ZNF292: variants seen among roughly 807,000 people sequenced by gnomAD.
ZNF292 encodes the protein zinc finger protein 292.
In ZNF292, 26 loss-of-function variants were observed where a neutral mutation model predicts 217.9. The observed-to-expected ratio is 0.12, with a 90% CI of 0.09 to 0.17. The LOEUF (loss-of-function observed/expected upper bound fraction) is 0.17, where lower values mean the gene tolerates loss of function less well. Ranked by LOEUF, ZNF292 falls within the 10% of genes least tolerant of loss-of-function variation. The pLI, the probability that ZNF292 is intolerant of heterozygous loss-of-function variation, is 1.00. For synonymous variants in ZNF292, 1,257 were observed against 1,124.1 expected, an observed-to-expected ratio of 1.12 and a Z score of -2.37; for missense variants, 2,904 against 3,175.2, an observed-to-expected ratio of 0.91 and a Z score of 2.05.
intron 1 of ZNF292, among the ~76,000 whole-genome samples, chr6:87,183,188 C>T (rs1451785411): frequency 1.3e-5 from 2 of 152,018 alleles, no homozygotes; most frequent in Non-Finnish European, 2.9e-5. Flanking sequence ...TCTTTGACAC[C>T]TTAGAGTCAG....
chr6:87,196,027 CA>C lies in ZNF292; in HGVS notation c.169-19863del, dbSNP rs147308020. 5.8e-4 allele frequency among the ~76,000 whole-genome samples: 56 copies of C among 95,764 alleles called. 1 individual carries two copies. The highest frequency in any genetic ancestry group is 2.3e-3 in the South Asian group (7 of 3,050). 62.8% of individuals were successfully genotyped at this position (95,764 alleles called of 152,430 possible). A position where few individuals can be genotyped will look rare whatever the true frequency, so the allele number is the denominator to read the frequency against. On this transcript the variant is annotated intron_variant, in intron 1 of 7. Transcript: ENST00000369577. ...TGGGCAGCAGAGTGAGACTCCGTCT[CA>C]AAAAAAAAAAAACAAAAAGAAAAAA... is the stretch of plus-strand genomic sequence containing the variant.
At chr6:87,190,836 T>C (rs1225430779) in intron 1 of ZNF292, among the ~76,000 whole-genome samples, 2 of 152,220 alleles carry the variant, frequency 1.3e-5, no homozygotes, top group Non-Finnish European at 2.9e-5. Context: ...ATAGTATTGA[T>C]AGTCTTTTTG....
intron 4 of ZNF292, among the ~76,000 whole-genome samples, chr6:87,225,872 C>CT (rs1773321386): frequency 1.3e-5 from 2 of 152,274 alleles, no homozygotes; most frequent in South Asian, 4.1e-4. Flanking sequence ...AAGTAGCAGA[C>CT]TTTCCCAAGA....
Position 87,256,358 on chromosome 6 carries a change from T to C in ZNF292, c.2729T>C (p.Leu910Pro). 6.2e-7 allele frequency: 1 copy of C among 1,611,246 alleles called. No individual in the cohort carries two copies. The highest frequency in any genetic ancestry group is 8.5e-7 in the Non-Finnish European group (1 of 1,179,840). ...TKQDQISASELRQANGPLSNG... is the reference protein window; with the variant it reads ...TKQDQISASEPRQANGPLSNG... ...CAAGACCAGATTTCTGCCTCTGAGC[T>C]CAGGCAAGCTAATGGACCATTGTCA... is the stretch of plus-strand genomic sequence containing the variant. The change falls in exon 8 of 8, where the codon CTC becomes CCC. Residue 910 changes from leucine to proline, a missense_variant. Leu to Pro is a moderately conservative substitution (Grantham distance 98, BLOSUM62 -3). This residue lies in a region of ZNF292 where 687 missense variants were observed against 623.0 expected (regional missense o/e 1.10). Transcript: ENST00000369577.
At position 87,260,085 on chromosome 6, in the gene ZNF292, GGAAAGTGAAGCTGGTAAA is replaced by G. The variant is rs1389978285; in HGVS notation, c.6467_6484del (p.Ala2156_Glu2161del). ...CTGCATTTTCAGCAGAGGTCGAAGA[GGAAAGTGAAGCTGGTAAA>G]GAAAGTGAAGAAACTGAAACTAAAC... On this transcript the variant is annotated inframe_deletion, in exon 8 of 8. Coordinates refer to ENST00000369577, the MANE Select transcript of ZNF292 (RefSeq NM_015021.3). 2.5e-6 allele frequency: 4 copies of G among 1,613,420 alleles called. No individual in the cohort carries two copies. The highest frequency in any genetic ancestry group is 3.4e-6 in the Non-Finnish European group (4 of 1,179,630).
intron 1 of ZNF292, among the ~76,000 whole-genome samples, chr6:87,157,382 A>G (rs1770578077): frequency 6.6e-6 from 1 of 152,188 alleles, no homozygotes; most frequent in Non-Finnish European, 1.5e-5. Context: ...GTCTTTAAAG[A>G]TTTATTTTAG....
intron 1 of ZNF292, among the ~76,000 whole-genome samples, chr6:87,159,775 G>T (rs1026476569): frequency 6.6e-6 from 1 of 151,978 alleles, no homozygotes; most frequent in African/African-American, 2.4e-5. Flanking sequence ...CACCACGCCC[G>T]GCCCTGTCTC....
chr6:87,197,102 A>G (rs1463500087), intron 1 of ZNF292, among the ~76,000 whole-genome samples: 1 of 152,144 alleles, frequency 6.6e-6, no homozygotes, highest in Non-Finnish European at 1.5e-5. Flanking sequence ...AAAGAAGTGC[A>G]AATTAGAGAA....
chr6:87,227,410 G>A (rs1172810856), intron 4 of ZNF292, among the ~76,000 whole-genome samples: 2 of 151,416 alleles, frequency 1.3e-5, no homozygotes, highest in African/African-American at 2.4e-5. Context: ...ATGCTGAATT[G>A]TGTTTTTTTA....
intron 4 of ZNF292, among the ~76,000 whole-genome samples, chr6:87,222,029 G>A (rs1456889911): frequency 6.6e-6 from 1 of 151,922 alleles, no homozygotes; most frequent in African/African-American, 2.4e-5. Context: ...CTCAATCTAC[G>A]TTTGTATACT....
At chr6:87,251,189 A>G (rs939045967) in intron 7 of ZNF292, among the ~76,000 whole-genome samples, 32 of 152,220 alleles carry the variant, frequency 2.1e-4, no homozygotes, top group African/African-American at 7.0e-4. Context: ...TAAAAGAGGA[A>G]ACTAGAACAG....
intron 1 of ZNF292, among the ~76,000 whole-genome samples, chr6:87,193,939 C>G (rs1771887826): frequency 6.6e-6 from 1 of 152,094 alleles, no homozygotes; most frequent in African/African-American, 2.4e-5. Flanking sequence ...TTAATGAAAT[C>G]TAGGAACTAA....
rs1479767130 is a variant in ZNF292, at chr6:87,263,953, T to C, written c.*2152T>C. 6.6e-6 allele frequency: 1 copy of C among 152,130 alleles called. No individual in the cohort carries two copies. The highest frequency in any genetic ancestry group is 2.4e-5 in the African/African-American group (1 of 41,432). The allele number at this position is 152,130 out of a possible 1,614,324, so 9.4% of individuals were successfully genotyped here. On this transcript the variant is annotated 3_prime_UTR_variant, in exon 8 of 8. Transcript: ENST00000369577. ...TTGCTCATTAGCTTAAGAAAATTTA[T>C]AACTAGACATTTCTAATTGTTTTAC...
At chr6:87,195,149 T>G (rs1021616794) in intron 1 of ZNF292, among the ~76,000 whole-genome samples, 2 of 152,248 alleles carry the variant, frequency 1.3e-5, no homozygotes, top group African/African-American at 4.8e-5. Context: ...GTACTATTTT[T>G]ATTTAACATA....
At position 87,261,094 on chromosome 6, in the gene ZNF292, A is replaced by G. The variant is rs768775797; in HGVS notation, c.7465A>G (p.Ile2489Val). 2 of 1,610,542 alleles carry G rather than the reference A, an allele frequency of 1.2e-6. No homozygotes were observed. The highest frequency in any genetic ancestry group is 4.5e-5 in the East Asian group (2 of 44,822). Residue 2489 changes from isoleucine (I) to valine (V), a missense_variant, in exon 8 of 8, where the codon ATT becomes GTT. By Grantham distance (29) the Ile-to-Val change is conservative (BLOSUM62 3). Coordinates refer to ENST00000369577, the MANE Select transcript of ZNF292 (RefSeq NM_015021.3). ...AATGGATGAACTAACAGAATTGTTT[A>G]TTACAAAATTAATAAATGAAGATAG... ...DEMDELTELF[I>V]TKLINEDSTS...
At chr6:87,222,933 T>C (rs1419266380) in intron 4 of ZNF292, 5 of 403,082 alleles carry the variant, frequency 1.2e-5, no homozygotes, top group African/African-American at 2.0e-5. Context: ...ATTTGTCTGA[T>C]GTTGTTCTCA....
chr6:87,241,002 T>G (rs1252166114), intron 5 of ZNF292, among the ~76,000 whole-genome samples: 1 of 152,182 alleles, frequency 6.6e-6, no homozygotes, highest in Non-Finnish European at 1.5e-5. Context: ...GTATTAGCAT[T>G]GGCTGAGCAC....
chr6:87,166,321 A>G (rs1481472963), intron 1 of ZNF292, among the ~76,000 whole-genome samples: 1 of 152,210 alleles, frequency 6.6e-6, no homozygotes, highest in Non-Finnish European at 1.5e-5. Context: ...GCAGTGTTAC[A>G]ATAGTGGAAA....
In ZNF292 at chr6:87,256,600, G is replaced by A; in HGVS notation, c.2971G>A (p.Glu991Lys). Residue 991 changes from glutamate (E) to lysine (K), a missense_variant, in exon 8 of 8, where the codon GAA becomes AAA. By Grantham distance (56) the Glu-to-Lys change is moderately conservative (BLOSUM62 1). Transcript: ENST00000369577. Reference sequence around the variant, plus strand: ...TCATCCAGGTTTCCAGGAGAGAAAAGAACAAGATTGCTTTAATGATGCCCA... The same window carrying A: ...TCATCCAGGTTTCCAGGAGAGAAAAAAACAAGATTGCTTTAATGATGCCCA... ...LCHPGFQERKEQDCFNDAHVT... is the reference protein window; with the variant it reads ...LCHPGFQERKKQDCFNDAHVT... 1 of 1,613,580 alleles carries A rather than the reference G, an allele frequency of 6.2e-7. No individual in the cohort carries two copies. Among genetic ancestry groups the A allele is most frequent in the Non-Finnish European group, 8.5e-7 (1 of 1,179,816 alleles).
Sources: allele counts gnomAD v4.1 joint callset (sites outside exome capture counted in the v4.1 genomes callset), GRCh38; gene constraint gnomAD v4.1.1; regional missense constraint gnomAD v4.1.1; transcripts MANE v1.5; gene names NCBI Gene and HGNC (gene_info 2026-07-23, HGNC 2026-07-21).